Variants in DLST observed in about 807,000 individuals in gnomAD.
The protein encoded by DLST is dihydrolipoamide S-succinyltransferase.
Under a neutral mutation model 53.1 loss-of-function variants are expected in DLST, and 17 were observed. The ratio of observed to expected loss-of-function variants is 0.32; its 90% CI spans 0.22 to 0.48. The LOEUF is 0.48. Ranked by LOEUF, DLST falls within the 20% of genes least tolerant of loss-of-function variation. The pLI is 0.99. For synonymous variants in DLST, 206 were observed against 204.8 expected (o/e 1.01, Z -0.05); for missense variants, 512 against 583.9 (o/e 0.88, Z 1.27).
At chr14:74,900,819 G>A (rs1337573397) in intron 13 of DLST, among the ~76,000 whole-genome samples, 2 of 152,112 alleles carry the variant, frequency 1.3e-5, no homozygotes, top group African/African-American at 4.8e-5. Flanking sequence ...TGCACTCCTG[G>A]GCTCAAGCGA....
At chr14:74,885,894 C>G in intron 3 of DLST, 1 of 396,702 alleles carries the variant, frequency 2.5e-6, no homozygotes, top group African/African-American at 2.1e-5. Flanking sequence ...AAGTTGGAAT[C>G]CTCTTTTTAT....
At chr14:74,891,794 C>G in intron 7 of DLST, 1 of 985,334 alleles carries the variant, frequency 1.0e-6, no homozygotes, top group South Asian at 4.7e-5. Flanking sequence ...TCACAGAAGT[C>G]TATTTCTTTT....
intron 14 of DLST, among the ~76,000 whole-genome samples, chr14:74,901,493 C>T (rs1164153619): frequency 2.0e-5 from 3 of 152,170 alleles, no homozygotes; most frequent in Admixed American, 2.0e-4. Context: ...AGTTTGAGAA[C>T]CACTGAGCTG....
chr14:74,882,337 G>A (rs971235197), intron 1 of DLST, among the ~76,000 whole-genome samples: 2 of 152,224 alleles, frequency 1.3e-5, no homozygotes, highest in South Asian at 2.1e-4. Context: ...GAGTCCTCCG[G>A]CGGGATTCGG....
chr14:74,888,808 T>C (rs1039105968), intron 3 of DLST, among the ~76,000 whole-genome samples: 11 of 152,214 alleles, frequency 7.2e-5, no homozygotes, highest in African/African-American at 2.7e-4. Flanking sequence ...AAGTCTGTTT[T>C]GTGAGAGTTG....
At chr14:74,885,671 G>A in intron 3 of DLST, 37 bp downstream of exon 3, 1 of 1,561,860 alleles carries the variant, frequency 6.4e-7, no homozygotes, top group Non-Finnish European at 8.7e-7. Flanking sequence ...TGTGGCCACG[G>A]GTTATTTATT....
intron 7 of DLST, among the ~76,000 whole-genome samples, chr14:74,892,541 T>G (rs1883945939): frequency 6.6e-6 from 1 of 152,132 alleles, no homozygotes; most frequent in Non-Finnish European, 1.5e-5. Flanking sequence ...AGTTTACATT[T>G]TCTTGGGCTT....
At chr14:74,890,061 A>G in intron 6 of DLST, 109 bp downstream of exon 6, 1 of 801,828 alleles carries the variant, frequency 1.2e-6, no homozygotes, top group East Asian at 2.9e-5. Flanking sequence ...AACTAGCTCT[A>G]ACTTCAGTTG....
chr14:74,899,840 T>A, intron 11 of DLST, 83 bp from the exon 12 acceptor site: 1 of 1,115,840 alleles, frequency 9.0e-7, no homozygotes, highest in Non-Finnish European at 1.3e-6. Context: ...TCTGCAGATT[T>A]TTACTCTGTT....
In DLST at chr14:74,891,358, TTAAAAAATAAACCTTA is replaced by T. The variant is rs150019265; in HGVS notation, c.442+194_442+209del. On this transcript the variant is annotated intron_variant, in intron 7 of 14. Transcript: ENST00000334220. ...AAATTCTAAAAGAAAAGTGTATTTT[TTAAAAAATAAACCTTA>T]TACTCTGTTCTTTCCATGGGTGTTT... is the stretch of plus-strand genomic sequence containing the variant. 5.2e-3 allele frequency: 7,160 copies of T among 1,366,378 alleles called. 22 individuals carry two copies. Among genetic ancestry groups the T allele is most frequent in the Non-Finnish European group, 6.5e-3 (6,823 of 1,056,984 alleles). 84.6% of individuals were successfully genotyped at this position (1,366,378 alleles called of 1,614,324 possible). A position where few individuals can be genotyped will look rare whatever the true frequency, so the allele number is the denominator to read the frequency against.
In DLST at chr14:74,899,907, A is replaced by G. The variant is rs375085363; in HGVS notation, c.902-16A>G. ...TCCTGGGGAGTTGTATGTAACATGT[A>G]TTTTCTCTCTCATAGTGATTGACGA... On this transcript the variant is annotated splice_polypyrimidine_tract_variant and intron_variant, in intron 11 of 14. Transcript: ENST00000334220. The G allele has an allele frequency of 4.4e-6, 7 of 1,604,054 alleles. No individual in the cohort carries two copies. Among genetic ancestry groups the G allele is most frequent in the South Asian group, 1.1e-5 (1 of 90,460 alleles).
intron 2 of DLST, 109 bp from the exon 3 acceptor site, chr14:74,885,477 T>A: frequency 1.8e-6 from 2 of 1,121,178 alleles, no homozygotes; most frequent in Non-Finnish European, 2.7e-6. Context: ...TCCGTTGCCG[T>A]TGATCCTGCT....
chr14:74,902,278 G>A lies in DLST; in HGVS notation c.1310G>A (p.Arg437His), dbSNP rs151061016. ...GGCAGAGAGGCTGTGACTTTCCTCC[G>A]CAAAATCAAGGCAGCGGTAGAGGAT... ...IDGREAVTFL[R>H]KIKAAVEDPR... Residue 437 changes from arginine (R) to histidine (H), a missense_variant, in exon 15 of 15, where the codon CGC (arginine) becomes CAC (histidine). Transcript: ENST00000334220. 108 of 1,613,078 alleles carry A rather than the reference G, an allele frequency of 6.7e-5. 1 individual carries two copies. In the East Asian group the frequency reaches 1.7e-3, roughly 25 times the overall value.
chr14:74,899,099 A>G (rs1884161775), intron 11 of DLST, among the ~76,000 whole-genome samples: 3 of 152,148 alleles, frequency 2.0e-5, no homozygotes, highest in Non-Finnish European at 2.9e-5. Context: ...CAGGGGCCCT[A>G]AAGGTCTAGA....
intron 10 of DLST, among the ~76,000 whole-genome samples, chr14:74,895,686 G>A (rs1436694742): frequency 6.6e-6 from 1 of 152,122 alleles, no homozygotes; most frequent in African/African-American, 2.4e-5. Context: ...GATCACATGA[G>A]GCCAGGAGTT....
rs1883823847 is a variant in DLST at position 74,889,405 on chromosome 14, T to C, written c.274+56T>C. 1.7e-5 allele frequency: 24 copies of C among 1,425,026 alleles called. No homozygotes were observed. The South Asian group carries it at 2.9e-4, about 17-fold the overall frequency. The allele number at this position is 1,425,026 out of a possible 1,614,324, so 88.3% of individuals were successfully genotyped here. The stretch of plus-strand genomic sequence containing the variant: ...TTTTTTTTGAGACAGAGTCTTGCTC[T>C]GTTCCCAGCCTGGAGTGCAGTGGTA... On this transcript the variant is annotated intron_variant, in intron 5 of 14. Transcript: ENST00000334220.
chr14:74,884,257 T>C (rs527884720), intron 2 of DLST, among the ~76,000 whole-genome samples: 2 of 152,320 alleles, frequency 1.3e-5, no homozygotes, highest in South Asian at 4.1e-4. Context: ...GCGTAAAGTG[T>C]GGACTTTATC....
chr14:74,884,656 C>T (rs1315423964), intron 2 of DLST, among the ~76,000 whole-genome samples: 1 of 152,144 alleles, frequency 6.6e-6, no homozygotes, highest in Non-Finnish European at 1.5e-5. Flanking sequence ...TTCCCAAAAT[C>T]AGTGTGAGCC....
rs1308778151 is a variant in DLST at position 74,893,571 on chromosome 14, T to C, written c.672+147T>C. On this transcript the variant is annotated intron_variant, in intron 9 of 14. Transcript: ENST00000334220. ...GGGAGTTTAGGATATAACTTCTTCA[T>C]AGTCACATAACCATCAAATGATAGG... is the stretch of plus-strand genomic sequence containing the variant. 7 of 801,190 alleles carry C rather than the reference T, an allele frequency of 8.7e-6. No individual in the cohort carries two copies. In the South Asian group the frequency reaches 9.9e-5, roughly 11 times the overall value. The allele number at this position is 801,190 out of a possible 1,614,324, so 49.6% of individuals were successfully genotyped here.
Sources: allele counts gnomAD v4.1 joint callset (sites outside exome capture counted in the v4.1 genomes callset), GRCh38; gene constraint gnomAD v4.1.1; transcripts MANE v1.5; gene names NCBI Gene and HGNC (gene_info 2026-07-23, HGNC 2026-07-21).